CNTLN: variants seen among roughly 807,000 people sequenced by gnomAD.
CNTLN encodes the protein centlein, centrosomal protein.
CNTLN carries 212 observed loss-of-function variants against 180.0 expected under a neutral mutation model. That is an observed-to-expected ratio of 1.18 (90% CI 1.05 to 1.32). The LOEUF is 1.32. CNTLN is among the 40% of genes most tolerant of loss of function. The pLI, the probability that CNTLN is intolerant of heterozygous loss-of-function variation, is 0.00. For synonymous variants in CNTLN, 722 were observed against 563.1 expected, an observed-to-expected ratio of 1.28 and a Z score of -3.99; for missense variants, 2,095 against 1,610.9, an observed-to-expected ratio of 1.30 and a Z score of -5.14.
intron 6 of CNTLN, among the ~76,000 whole-genome samples, chr9:17,289,147 C>T (rs1421171354): frequency 4.3e-5 from 5 of 116,572 alleles, no homozygotes; most frequent in Non-Finnish European, 8.5e-5. Context: ...CGGCTGGTAC[C>T]AGTTGTTCCT....
chr9:17,397,424 A>G (rs1826621917), intron 15 of CNTLN, among the ~76,000 whole-genome samples: 1 of 152,186 alleles, frequency 6.6e-6, no homozygotes, highest in African/African-American at 2.4e-5. Flanking sequence ...CCCTTTTTAG[A>G]CCATATAGGG....
chr9:17,317,325 G>T (rs1043554139), intron 8 of CNTLN, among the ~76,000 whole-genome samples: 41 of 152,070 alleles, frequency 2.7e-4, no homozygotes, highest in African/African-American at 9.7e-4. Context: ...CAGGTAAATA[G>T]ATAAATAGAA....
chr9:17,489,606 A>G (rs1833047327), intron 25 of CNTLN, among the ~76,000 whole-genome samples: 1 of 152,002 alleles, frequency 6.6e-6, no homozygotes, highest in Admixed American at 6.6e-5. Flanking sequence ...ATAGAATGTC[A>G]TATTGATAAA....
the CNTLN span, among the ~76,000 whole-genome samples, chr9:17,509,062 T>C: frequency 0.011 from 1,686 of 152,320 alleles, 22 homozygotes; most frequent in African/African-American, 0.038. Context: ...CGTCAGCTTC[T>C]TTCTCCAACC....
At chr9:17,454,637 A>G (rs955406971) in intron 18 of CNTLN, among the ~76,000 whole-genome samples, 4 of 152,236 alleles carry the variant, frequency 2.6e-5, no homozygotes, top group African/African-American at 7.2e-5. Flanking sequence ...CAAGATAACA[A>G]TGCTGACAAT....
chr9:17,394,786 G>T lies in CNTLN; in HGVS notation c.2332G>T (p.Val778Leu). 2 of 1,614,022 alleles carry T rather than the reference G, an allele frequency of 1.2e-6. No homozygotes were observed. Among genetic ancestry groups the T allele is most frequent in the Non-Finnish European group, 1.7e-6 (2 of 1,179,984 alleles). Reference protein sequence around the residue: ...ETEVTSLRRQVAEANALRNEN... With the variant: ...ETEVTSLRRQLAEANALRNEN... The stretch of plus-strand genomic sequence containing the variant: ...AGAAGTCACTTCCCTGAGGAGACAA[G>T]TGGCAGAAGCTAATGCATTGAGAAA... Residue 778 changes from valine (V) to leucine (L), a missense_variant, in exon 15 of 26, where the codon GTG becomes TTG. Transcript: ENST00000380647.
At chr9:17,140,792 C>T (rs1206525998) in intron 1 of CNTLN, among the ~76,000 whole-genome samples, 2 of 152,066 alleles carry the variant, frequency 1.3e-5, no homozygotes, top group African/African-American at 4.8e-5. Flanking sequence ...ATACATAAAA[C>T]ATTATGTTGT....
At chr9:17,325,556 T>TACACACACACAC (rs142190202) in intron 8 of CNTLN, among the ~76,000 whole-genome samples, 159 of 147,630 alleles carry the variant, frequency 1.1e-3, no homozygotes, top group African/African-American at 3.8e-3. Context: ...CAGATTTTAT[T>TACACACACACAC]ACACACACAC....
intron 8 of CNTLN, 152 bp downstream of exon 8, chr9:17,309,404 T>G: frequency 3.6e-6 from 2 of 555,864 alleles, no homozygotes; most frequent in Non-Finnish European, 6.1e-6. Flanking sequence ...TTTTATACTG[T>G]TTGTAGGCAT....
At position 17,459,830 on chromosome 9, in the gene CNTLN, C is replaced by G. The variant is rs190035597; in HGVS notation, c.3306+2115C>G. ...CTGAATTAGATTCCACCCTAATAAC[C>G]TCATTTTACCTGAATTATCTGTTTA... On this transcript the variant is annotated intron_variant, in intron 19 of 25. Transcript: ENST00000380647. Among the ~76,000 whole-genome samples, 442 of 151,686 alleles carry G rather than the reference C, an allele frequency of 2.9e-3. 4 individuals carry two copies. Among genetic ancestry groups the G allele is most frequent in the African/African-American group, 9.9e-3 (412 of 41,444 alleles).
Position 17,466,773 on chromosome 9 carries a change from C to T in CNTLN, c.3737C>T (p.Thr1246Ile). The change falls in exon 23 of 26, where the codon ACA becomes ATA. Residue 1246 changes from threonine to isoleucine, a missense_variant. Physicochemically the swap from Thr to Ile is moderately conservative, Grantham distance 89. Coordinates refer to ENST00000380647, the MANE Select transcript of CNTLN (RefSeq NM_017738.4). ...GAATCTGCAATGGCAGAAATTGAAA[C>T]AGCAGCATCTAAGCAGCTTCAAGAA... ...ETESAMAEIETAASKQLQELA... is the reference protein window; with the variant it reads ...ETESAMAEIEIAASKQLQELA... 3 of 1,610,848 alleles carry T rather than the reference C, an allele frequency of 1.9e-6. No homozygotes were observed. Among genetic ancestry groups the T allele is most frequent in the African/African-American group, 1.3e-5 (1 of 74,756 alleles).
At chr9:17,382,463 A>G (rs79553864) in intron 13 of CNTLN, among the ~76,000 whole-genome samples, 5,635 of 152,296 alleles carry the variant, frequency 0.037, 172 homozygotes, top group East Asian at 0.18. Flanking sequence ...TTTTAGGCAT[A>G]TTCAGGTTTT....
intron 8 of CNTLN, among the ~76,000 whole-genome samples, chr9:17,313,277 C>T (rs929657916): frequency 1.3e-5 from 2 of 152,082 alleles, no homozygotes; most frequent in African/African-American, 4.8e-5. Flanking sequence ...CTTTTCATTG[C>T]AGTGTTAATC....
intron 18 of CNTLN, among the ~76,000 whole-genome samples, chr9:17,442,088 C>T (rs1162434749): frequency 3.3e-5 from 5 of 152,132 alleles, no homozygotes; most frequent in African/African-American, 4.8e-5. Flanking sequence ...TAATAGGAGA[C>T]GTAAGTACTC....
At chr9:17,176,861 T>C (rs1820749331) in intron 2 of CNTLN, among the ~76,000 whole-genome samples, 1 of 152,218 alleles carries the variant, frequency 6.6e-6, no homozygotes, top group Non-Finnish European at 1.5e-5. Flanking sequence ...TTTATGTGTA[T>C]AGCGTTGTTC....
chr9:17,293,699 C>A (rs962352859), intron 6 of CNTLN, among the ~76,000 whole-genome samples: 3 of 152,206 alleles, frequency 2.0e-5, no homozygotes, highest in African/African-American at 7.2e-5. Flanking sequence ...TCCCCGGGAA[C>A]TCAGGCATCT....
At chr9:17,433,588 A>G (rs1462744862) in intron 18 of CNTLN, among the ~76,000 whole-genome samples, 1 of 150,828 alleles carries the variant, frequency 6.6e-6, no homozygotes, top group Non-Finnish European at 1.5e-5. Flanking sequence ...GCCCAGCCCT[A>G]TTTTTAGCTT....
the CNTLN span, among the ~76,000 whole-genome samples, chr9:17,520,830 AG>A: frequency 6.6e-6 from 1 of 152,222 alleles, no homozygotes; most frequent in Non-Finnish European, 1.5e-5. Flanking sequence ...GCTAGTGGTC[AG>A]GGCAGCATCC....
At chr9:17,336,419 CTA>C (rs1413908723) in intron 10 of CNTLN, among the ~76,000 whole-genome samples, 12 of 152,130 alleles carry the variant, frequency 7.9e-5, no homozygotes, top group Non-Finnish European at 4.4e-5. Context: ...ACTTTACTCT[CTA>C]TTGCTGAAGT....
Sources: gnomAD v4.1 joint callset for allele counts (sites outside exome capture counted in the v4.1 genomes callset) on GRCh38, gnomAD v4.1.1 for gene constraint, MANE v1.5 for transcripts, NCBI Gene and HGNC (gene_info 2026-07-23, HGNC 2026-07-21) for gene names.